GNG7: variants seen among roughly 807,000 people sequenced by gnomAD.
GNG7 encodes G protein subunit gamma 7.
In GNG7, 1 loss-of-function variant was observed where a neutral mutation model predicts 4.0. The ratio of observed to expected loss-of-function variants is 0.25; its 90% CI spans 0.09 to 1.18. The LOEUF (loss-of-function observed/expected upper bound fraction) is 1.18, where lower values mean the gene tolerates loss of function less well. Ranked by LOEUF, GNG7 falls within the 50% of genes most tolerant of loss-of-function variation. The pLI, the probability that GNG7 is intolerant of heterozygous loss-of-function variation, is 0.50. For synonymous variants in GNG7, 34 were observed against 36.9 expected (o/e 0.92, Z 0.29); for missense variants, 86 against 91.9 (o/e 0.94, Z 0.26).
intron 1 of GNG7, among the ~76,000 whole-genome samples, chr19:2,658,194 G>T (rs981403104): frequency 1.3e-5 from 2 of 152,000 alleles, no homozygotes; most frequent in Non-Finnish European, 2.9e-5. Context: ...AGACCCTATA[G>T]GGCTGGACCC....
intron 2 of GNG7, among the ~76,000 whole-genome samples, chr19:2,601,612 G>A (rs1481975905): frequency 6.6e-6 from 1 of 152,110 alleles, no homozygotes; most frequent in Non-Finnish European, 1.5e-5. Context: ...TTTTTATTGA[G>A]GAAAAGAAAG....
chr19:2,619,875 C>T (rs1229052808), intron 2 of GNG7, among the ~76,000 whole-genome samples: 1 of 151,798 alleles, frequency 6.6e-6, no homozygotes, highest in African/African-American at 2.4e-5. Context: ...ATGTAAAAAC[C>T]GCTGAGCTGC....
chr19:2,666,622 CT>C (rs879681412), intron 1 of GNG7, among the ~76,000 whole-genome samples: 2 of 152,196 alleles, frequency 1.3e-5, no homozygotes, highest in Admixed American at 6.5e-5. Flanking sequence ...AGATTACCTC[CT>C]TTCTGGACTA....
intron 1 of GNG7, among the ~76,000 whole-genome samples, chr19:2,659,935 T>C (rs1272371041): frequency 6.6e-6 from 1 of 151,882 alleles, no homozygotes; most frequent in African/African-American, 2.4e-5. Context: ...TTTTCTGCTT[T>C]CCCCCGAGCC....
chr19:2,632,568 C>T (rs1982192466), intron 2 of GNG7: 1 of 152,208 alleles, frequency 6.6e-6, no homozygotes, highest in African/African-American at 2.4e-5. Context: ...AGACTTTCTA[C>T]TCTACAGGGA....
intron 3 of GNG7, among the ~76,000 whole-genome samples, chr19:2,553,599 T>A (rs75860410): frequency 6.8e-6 from 1 of 146,348 alleles, no homozygotes; most frequent in Admixed American, 7.0e-5. Flanking sequence ...ACATATTACA[T>A]GCAATATATC....
chr19:2,550,417 G>C (rs1467517984), intron 3 of GNG7, among the ~76,000 whole-genome samples: 2 of 152,242 alleles, frequency 1.3e-5, no homozygotes, highest in African/African-American at 4.8e-5. Flanking sequence ...GTAGAGTCGC[G>C]GTTTCACCAT....
At chr19:2,698,915 A>G (rs2144664314) in intron 1 of GNG7, among the ~76,000 whole-genome samples, 1 of 152,332 alleles carries the variant, frequency 6.6e-6, no homozygotes, top group South Asian at 2.1e-4. Context: ...AAGAACAGAA[A>G]ATAACGGTAT....
In GNG7 at chr19:2,651,975, G is replaced by A. The variant is rs577324810; in HGVS notation, c.-134-5695C>T. Reference sequence around the variant, plus strand: ...AGATCACCTGAGGTCAGGAGTTCAAGACCAGCCTGGGCAACACAGTGAAAC... The same window carrying A: ...AGATCACCTGAGGTCAGGAGTTCAAAACCAGCCTGGGCAACACAGTGAAAC... On this transcript the variant is annotated intron_variant, in intron 1 of 4. Transcript: ENST00000382159. Among the ~76,000 whole-genome samples, 11 of 151,900 alleles carry A rather than the reference G, an allele frequency of 7.2e-5. No individual in the cohort carries two copies. In the South Asian group the frequency reaches 2.3e-3, roughly 32 times the overall value.
chr19:2,555,654 T>A (rs1394390453), intron 2 of GNG7, among the ~76,000 whole-genome samples: 1 of 152,024 alleles, frequency 6.6e-6, no homozygotes, highest in East Asian at 1.9e-4. Flanking sequence ...GACAAACCAA[T>A]TAACCCCGAA....
intron 2 of GNG7, among the ~76,000 whole-genome samples, chr19:2,623,182 C>T (rs1001312549): frequency 2.6e-5 from 4 of 151,872 alleles, no homozygotes; most frequent in African/African-American, 4.8e-5. Flanking sequence ...ATTAGCCAGG[C>T]GTGGTGGTGC....
intron 2 of GNG7, among the ~76,000 whole-genome samples, chr19:2,563,949 G>A (rs1443333915): frequency 3.3e-5 from 5 of 152,118 alleles, no homozygotes; most frequent in African/African-American, 4.8e-5. Flanking sequence ...AAGGAATGGA[G>A]GAGACGGTGA....
At chr19:2,525,059 G>T (rs1035601600) in intron 3 of GNG7, among the ~76,000 whole-genome samples, 3 of 152,176 alleles carry the variant, frequency 2.0e-5, no homozygotes, top group African/African-American at 7.2e-5. Flanking sequence ...CATGCCCCCA[G>T]CAGAGGACTA....
chr19:2,630,885 A>T (rs1023216824), intron 2 of GNG7: 1 of 151,996 alleles, frequency 6.6e-6, no homozygotes, highest in Non-Finnish European at 1.5e-5. Context: ...TACACTCTTT[A>T]TGTGCTGCAG....
chr19:2,695,130 G>A (rs1913215221), intron 1 of GNG7, among the ~76,000 whole-genome samples: 1 of 152,074 alleles, frequency 6.6e-6, no homozygotes, highest in Non-Finnish European at 1.5e-5. Context: ...GAGCCAGGCT[G>A]AGAAAATGTG....
At chr19:2,565,029 T>G (rs1451621157) in intron 2 of GNG7, among the ~76,000 whole-genome samples, 1 of 151,118 alleles carries the variant, frequency 6.6e-6, no homozygotes, top group Non-Finnish European at 1.5e-5. Context: ...TGTCTTGAAA[T>G]GGAATGAAAT....
intron 1 of GNG7, among the ~76,000 whole-genome samples, chr19:2,686,519 G>A (rs1035514818): frequency 1.6e-4 from 24 of 152,064 alleles, no homozygotes; most frequent in African/African-American, 5.6e-4. Context: ...CCCCGGCCCG[G>A]TGCCTGCTTG....
intron 1 of GNG7, among the ~76,000 whole-genome samples, chr19:2,681,347 C>T (rs1338644730): frequency 6.6e-6 from 1 of 152,038 alleles, no homozygotes; most frequent in Non-Finnish European, 1.5e-5. Flanking sequence ...CCACGCCCGG[C>T]TAATTTTTTG....
At chr19:2,624,373 C>CA (rs1353616017) in intron 2 of GNG7, among the ~76,000 whole-genome samples, 1 of 149,948 alleles carries the variant, frequency 6.7e-6, no homozygotes, top group Non-Finnish European at 1.5e-5. Context: ...AATAAAAATA[C>CA]AAAAAAAATT....
Sources: allele counts gnomAD v4.1 joint callset (sites outside exome capture counted in the v4.1 genomes callset), GRCh38; gene constraint gnomAD v4.1.1; transcripts MANE v1.5; gene names NCBI Gene and HGNC (gene_info 2026-07-23, HGNC 2026-07-21).